KAZN: variants seen among roughly 807,000 people sequenced by gnomAD.
KAZN encodes kazrin, periplakin interacting protein.
Under a neutral mutation model 87.4 loss-of-function variants are expected in KAZN, and 40 were observed. That is an observed-to-expected ratio of 0.46 (90% CI 0.36 to 0.60). The LOEUF is 0.60. Among genes scored for constraint, KAZN ranks in the 20% least tolerant of loss-of-function variants. The probability of loss-of-function intolerance (pLI) is 0.00; values close to 1 mark genes in which losing one functional copy is unlikely to be tolerated. For synonymous variants in KAZN, 466 were observed against 458.3 expected, an observed-to-expected ratio of 1.02 and a Z score of -0.22; for missense variants, 898 against 1,073.9, an observed-to-expected ratio of 0.84 and a Z score of 2.29.
intron 2 of KAZN, among the ~76,000 whole-genome samples, chr1:14,476,958 C>T (rs1460519317): frequency 6.6e-6 from 1 of 152,202 alleles, no homozygotes; most frequent in East Asian, 1.9e-4. Flanking sequence ...TCCTGAATAC[C>T]TGTGCCTGGC....
At chr1:14,021,036 T>A (rs575993224) in intron 1 of KAZN, among the ~76,000 whole-genome samples, 1 of 152,358 alleles carries the variant, frequency 6.6e-6, no homozygotes, top group African/African-American at 2.4e-5. Flanking sequence ...TTTGGCATTT[T>A]AACTCTTAGC....
chr1:14,439,953 C>T (rs1466486596), intron 2 of KAZN, among the ~76,000 whole-genome samples: 2 of 152,138 alleles, frequency 1.3e-5, no homozygotes, highest in Non-Finnish European at 2.9e-5. Flanking sequence ...TCAGTTCATC[C>T]CAACCACGTC....
At position 14,141,231 on chromosome 1, in the gene KAZN, C is replaced by A. The variant is rs1331692661; in HGVS notation, c.92-39204C>A. ...CTCCATGACACTGTTGAAGTGATTA[C>A]CATTTAAAAAAAAAAAAAAAAACAA... On this transcript the variant is annotated intron_variant, in intron 1 of 16. Coordinates refer to the KAZN transcript ENST00000636203. Among the ~76,000 whole-genome samples the A allele has an allele frequency of 3.0e-5, 3 of 99,416 alleles. No individual in the cohort carries two copies. In the Admixed American group the frequency reaches 3.7e-4, roughly 12 times the overall value. 65.2% of individuals were successfully genotyped at this position (99,416 alleles called of 152,430 possible). A position where few individuals can be genotyped will look rare whatever the true frequency, so the allele number is the denominator to read the frequency against.
intron 7 of KAZN, among the ~76,000 whole-genome samples, chr1:15,063,937 C>G (rs1639022999): frequency 6.6e-6 from 1 of 152,224 alleles, no homozygotes; most frequent in African/African-American, 2.4e-5. Context: ...GGGCTGGGGC[C>G]TGAGCCAGTC....
intron 1 of KAZN, among the ~76,000 whole-genome samples, chr1:14,122,315 A>T (rs1383307698): frequency 6.6e-6 from 1 of 152,190 alleles, no homozygotes; most frequent in Non-Finnish European, 1.5e-5. Context: ...AATTCAATAA[A>T]ACCCAATTCT....
In KAZN at chr1:14,889,108, C is replaced by T. The variant is rs10927566; in HGVS notation, c.227-71576C>T. On this transcript the variant is annotated intron_variant, in intron 1 of 14. Coordinates refer to ENST00000376030, the MANE Select transcript of KAZN (RefSeq NM_201628.3). ...GCCATTCCGGGCCGCATGCAGCCTGCGGGCCATGGGTTAGACAAGCTTGCA... is the reference window on the plus strand; with the variant it reads ...GCCATTCCGGGCCGCATGCAGCCTGTGGGCCATGGGTTAGACAAGCTTGCA... Among the ~76,000 whole-genome samples the T allele has an allele frequency of 9.7e-3, 1,476 of 152,298 alleles. 26 individuals carry two copies. The highest frequency in any genetic ancestry group is 0.034 in the African/African-American group (1,414 of 41,550).
intron 8 of KAZN, among the ~76,000 whole-genome samples, chr1:15,071,579 A>G (rs995652969): frequency 4.6e-5 from 7 of 152,220 alleles, no homozygotes; most frequent in African/African-American, 1.7e-4. Context: ...TCATACCTGA[A>G]CCACAATTGG....
intron 1 of KAZN, among the ~76,000 whole-genome samples, chr1:14,775,252 G>A (rs1226062466): frequency 2.0e-5 from 3 of 152,242 alleles, no homozygotes; most frequent in Non-Finnish European, 1.5e-5. Context: ...AGAGTCTTTA[G>A]TAATGTGTGT....
chr1:14,654,242 G>A (rs552201818), intron 1 of KAZN, among the ~76,000 whole-genome samples: 1 of 148,346 alleles, frequency 6.7e-6, no homozygotes, highest in African/African-American at 2.5e-5. Flanking sequence ...AGCCGGGATC[G>A]TGCCATTGCA....
chr1:14,722,173 T>C (rs1643150237), intron 1 of KAZN, among the ~76,000 whole-genome samples: 1 of 150,756 alleles, frequency 6.6e-6, no homozygotes, highest in African/African-American at 2.4e-5. Flanking sequence ...GAATAAAAAA[T>C]AAAAAATGGT....
At chr1:13,934,757 C>T (rs887351491) in intron 1 of KAZN, among the ~76,000 whole-genome samples, 1 of 151,734 alleles carries the variant, frequency 6.6e-6, no homozygotes, top group Non-Finnish European at 1.5e-5. Context: ...TGTATTTACT[C>T]CTTGGGCAAG....
intron 1 of KAZN, among the ~76,000 whole-genome samples, chr1:14,929,604 C>T (rs1020424567): frequency 6.6e-6 from 1 of 152,194 alleles, no homozygotes; most frequent in Non-Finnish European, 1.5e-5. Context: ...AGCAGATAAG[C>T]ACACCCAACA....
chr1:14,754,402 G>A (rs1000805172), intron 1 of KAZN, among the ~76,000 whole-genome samples: 7 of 150,826 alleles, frequency 4.6e-5, no homozygotes, highest in African/African-American at 1.5e-4. Context: ...GGAGGCTGAG[G>A]CAGGTGGATC....
At chr1:15,058,901 A>G (rs970107554) in intron 5 of KAZN, among the ~76,000 whole-genome samples, 2 of 152,034 alleles carry the variant, frequency 1.3e-5, no homozygotes, top group Non-Finnish European at 2.9e-5. Flanking sequence ...AGATGCCTGT[A>G]ATCCCAGCTA....
chr1:14,285,140 T>C (rs1160964893), intron 2 of KAZN, among the ~76,000 whole-genome samples: 1 of 152,234 alleles, frequency 6.6e-6, no homozygotes, highest in Non-Finnish European at 1.5e-5. Context: ...CTGTCTCAAG[T>C]GCCCAGTCGG....
At chr1:14,888,419 AG>A (rs771653684) in intron 1 of KAZN, among the ~76,000 whole-genome samples, 6 of 152,208 alleles carry the variant, frequency 3.9e-5, no homozygotes, top group Non-Finnish European at 8.8e-5. Context: ...GAGGTCAGGT[AG>A]GAGGCTCCAA....
In KAZN at chr1:14,883,227, G is replaced by A. The variant is rs1455793669; in HGVS notation, c.227-77457G>A. Reference sequence around the variant, plus strand: ...GGAGAATCACTTGAACCCAGGAGGCGGAGGTTGCGGTGAGCCAAGATCACT... The same window carrying A: ...GGAGAATCACTTGAACCCAGGAGGCAGAGGTTGCGGTGAGCCAAGATCACT... On this transcript the variant is annotated intron_variant, in intron 1 of 14. Coordinates refer to ENST00000376030, the MANE Select transcript of KAZN (RefSeq NM_201628.3). Among the ~76,000 whole-genome samples, 5 of 150,616 alleles carry A rather than the reference G, an allele frequency of 3.3e-5. No homozygotes were observed. In the East Asian group the frequency reaches 5.9e-4, roughly 18 times the overall value.
chr1:14,808,612 A>C (rs1390721493), intron 1 of KAZN, among the ~76,000 whole-genome samples: 1 of 152,014 alleles, frequency 6.6e-6, no homozygotes, highest in Non-Finnish European at 1.5e-5. Flanking sequence ...TTTCTAAATA[A>C]TGGATGCTTT....
chr1:14,178,166 C>G (rs1041090869), intron 1 of KAZN, among the ~76,000 whole-genome samples: 2 of 152,156 alleles, frequency 1.3e-5, no homozygotes, highest in African/African-American at 2.4e-5. Context: ...TGCCTTCTGC[C>G]ATGATTTTAA....
Sources: allele counts gnomAD v4.1 joint callset (sites outside exome capture counted in the v4.1 genomes callset), GRCh38; gene constraint gnomAD v4.1.1; transcripts MANE v1.5; gene names NCBI Gene and HGNC (gene_info 2026-07-23, HGNC 2026-07-21).